Variants in AGTPBP1 observed in about 807,000 individuals in gnomAD.
AGTPBP1 encodes ATP/GTP binding carboxypeptidase 1, also known as cytosolic carboxypeptidase 1.
In AGTPBP1, 70 loss-of-function variants were observed where a neutral mutation model predicts 143.9. The observed-to-expected ratio is 0.49, with a 90% confidence interval of 0.40 to 0.59. AGTPBP1 has a LOEUF of 0.59. Among genes scored for constraint, AGTPBP1 ranks in the 20% least tolerant of loss-of-function variants. The probability of loss-of-function intolerance (pLI) is 0.00; values close to 1 mark genes in which losing one functional copy is unlikely to be tolerated. For missense variants in AGTPBP1, 1,229 were observed against 1,464.5 expected (o/e 0.84, Z 2.62); for synonymous variants, 463 against 500.2 (o/e 0.93, Z 0.99).
At chr9:85,681,745 C>CTTTTTTTTTTTTTTTTTTTTTTTTTTTT (rs1204253430) in intron 3 of AGTPBP1, among the ~76,000 whole-genome samples, 1 of 105,914 alleles carries the variant, frequency 9.4e-6, no homozygotes. Flanking sequence ...GCATTAATAT[C>CTTTTTTTTTTTTTTTTTTTTTTTTTTTT]TTTTTTTTTT....
At chr9:85,564,614 A>T (rs1432326665) in intron 25 of AGTPBP1, among the ~76,000 whole-genome samples, 1 of 152,252 alleles carries the variant, frequency 6.6e-6, no homozygotes, top group Non-Finnish European at 1.5e-5. Context: ...ACAATTATAT[A>T]TAGTATTCCA....
At chr9:85,569,403 T>G (rs1203212463) in intron 25 of AGTPBP1, among the ~76,000 whole-genome samples, 2 of 151,976 alleles carry the variant, frequency 1.3e-5, no homozygotes, top group Non-Finnish European at 2.9e-5. Flanking sequence ...TATATTACTA[T>G]AAAATAAGAT....
intron 13 of AGTPBP1, among the ~76,000 whole-genome samples, chr9:85,638,131 G>T (rs183869919): frequency 6.6e-6 from 1 of 151,684 alleles, no homozygotes; most frequent in African/African-American, 2.4e-5. Flanking sequence ...AAAAAAAAGT[G>T]TGTATATATA....
At chr9:85,733,401 G>A (rs765077325) in intron 1 of AGTPBP1, among the ~76,000 whole-genome samples, 5 of 152,092 alleles carry the variant, frequency 3.3e-5, no homozygotes, top group Admixed American at 6.6e-5. Context: ...AGAAATCACT[G>A]GGTTAACCAG....
intron 4 of AGTPBP1, among the ~76,000 whole-genome samples, chr9:85,680,821 A>G (rs1281200534): frequency 1.3e-5 from 2 of 152,208 alleles, no homozygotes; most frequent in African/African-American, 2.4e-5. Flanking sequence ...TAGAAATTCA[A>G]TTATCATCAA....
chr9:85,632,468 A>G (rs558623423), intron 14 of AGTPBP1, among the ~76,000 whole-genome samples, 194 bp downstream of exon 14: 139 of 152,366 alleles, frequency 9.1e-4, no homozygotes, highest in Admixed American at 4.8e-3. Flanking sequence ...TGAATAAGGA[A>G]TAAGCTCAAG....
At chr9:85,756,488 G>A in the AGTPBP1 span, among the ~76,000 whole-genome samples, 1 of 138,558 alleles carries the variant, frequency 7.2e-6, no homozygotes, top group African/African-American at 2.7e-5. Flanking sequence ...CACTCCTAGG[G>A]ATGGGTGGGA....
intron 17 of AGTPBP1, among the ~76,000 whole-genome samples, chr9:85,599,746 C>T (rs1047403379): frequency 9.2e-5 from 14 of 152,186 alleles, no homozygotes; most frequent in African/African-American, 3.4e-4. Context: ...TTCTTATAAA[C>T]GCTGACATGC....
chr9:85,648,897 G>A (rs7028695), intron 11 of AGTPBP1, among the ~76,000 whole-genome samples: 5,360 of 152,254 alleles, frequency 0.035, 337 homozygotes, highest in African/African-American at 0.12. Context: ...ATGCAGTTCA[G>A]CATCAGAGAG....
At chr9:85,696,272 G>A (rs188639846) in intron 2 of AGTPBP1, among the ~76,000 whole-genome samples, 20 of 152,260 alleles carry the variant, frequency 1.3e-4, no homozygotes, top group African/African-American at 4.3e-4. Context: ...GGAAAACACT[G>A]ATCTACCATA....
chr9:85,725,875 GTC>G (rs1031266862), intron 1 of AGTPBP1, among the ~76,000 whole-genome samples: 2 of 151,484 alleles, frequency 1.3e-5, no homozygotes, highest in African/African-American at 4.8e-5. Context: ...GCGAAATCCC[GTC>G]TCTACTAAAA....
intron 19 of AGTPBP1, among the ~76,000 whole-genome samples, chr9:85,591,763 A>G (rs762989272): frequency 2.0e-5 from 3 of 151,898 alleles, no homozygotes; most frequent in Non-Finnish European, 4.4e-5. Flanking sequence ...TCTACAGACT[A>G]TGTTTTTCTT....
At chr9:85,633,498 G>A (rs11141044) in intron 13 of AGTPBP1, 124 bp from the exon 14 acceptor site, 26,256 of 687,416 alleles carry the variant, frequency 0.038, 709 homozygotes, top group Admixed American at 0.11. Context: ...GGATAAAACC[G>A]GATATGTTTT....
intron 4 of AGTPBP1, 109 bp downstream of exon 4, chr9:85,681,159 G>T: frequency 1.1e-6 from 1 of 943,740 alleles, no homozygotes; most frequent in Non-Finnish European, 1.6e-6. Context: ...GTGTATATAT[G>T]TACGTGTGTA....
At chr9:85,582,452 G>A (rs955876706) in intron 23 of AGTPBP1, among the ~76,000 whole-genome samples, 2 of 152,100 alleles carry the variant, frequency 1.3e-5, no homozygotes, top group Admixed American at 6.6e-5. Flanking sequence ...CGAGGCAGGC[G>A]GATCATTTGA....
rs146500841 is a variant in AGTPBP1, at chr9:85,549,568, G to C, written c.3504-2282C>G. On this transcript the variant is annotated intron_variant, in intron 25 of 25. Transcript: ENST00000357081. ...TTAATCAATTTGAACAAAAGGAAAG[G>C]GTTTACAGAAAAAGCCTAGTCTTAT... 4.9e-3 allele frequency among the ~76,000 whole-genome samples: 744 copies of C among 152,218 alleles called. 2 individuals are homozygous for C. The highest frequency in any genetic ancestry group is 8.4e-3 in the Non-Finnish European group (573 of 68,020).
At chr9:85,727,040 C>CA (rs1201189081) in intron 1 of AGTPBP1, among the ~76,000 whole-genome samples, 10 of 152,192 alleles carry the variant, frequency 6.6e-5, no homozygotes, top group Admixed American at 4.6e-4. Context: ...CAAAGTGCTC[C>CA]AAAATTCGGC....
In AGTPBP1 at chr9:85,677,502, C is replaced by G; in HGVS notation, c.370G>C (p.Glu124Gln). The G allele has an allele frequency of 1.2e-6, 2 of 1,604,152 alleles. No individual in the cohort carries two copies. Among genetic ancestry groups the G allele is most frequent in the Non-Finnish European group, 8.5e-7 (1 of 1,175,304 alleles). Reference sequence around the variant, plus strand: ...ATTAAGTCCTCATGTGGGGGAGATTCTTTGCTGGCATTCATAAGTAACTGC... The same window carrying G: ...ATTAAGTCCTCATGTGGGGGAGATTGTTTGCTGGCATTCATAAGTAACTGC... ...LLQLLMNASK[E>Q]SPPHEDLMVQ... The change falls in exon 6 of 26, where the codon GAA becomes CAA. Residue 124 changes from glutamate to glutamine, a missense_variant. Physicochemically the swap from Glu to Gln is conservative, Grantham distance 29. This residue lies in a region of AGTPBP1 where 743 missense variants were observed against 812.2 expected (regional missense o/e 0.91). Transcript: ENST00000357081.
In AGTPBP1 at chr9:85,657,192, A is replaced by T. The variant is rs539616418; in HGVS notation, c.909+243T>A. Among the ~76,000 whole-genome samples the T allele has an allele frequency of 4.9e-3, 721 of 148,612 alleles. 2 individuals are homozygous for T. Among genetic ancestry groups the T allele is most frequent in the Admixed American group, 6.0e-3 (89 of 14,862 alleles). On this transcript the variant is annotated intron_variant, in intron 10 of 25. Transcript: ENST00000357081. The stretch of plus-strand genomic sequence containing the variant: ...ACTTAAAAGTATAATAATAAAAAAA[A>T]AATAATACAAAAAAAAAAAAAGAAA...
Sources: allele counts gnomAD v4.1 joint callset (sites outside exome capture counted in the v4.1 genomes callset), GRCh38; gene constraint gnomAD v4.1.1; regional missense constraint gnomAD v4.1.1; transcripts MANE v1.5; gene names NCBI Gene and HGNC (gene_info 2026-07-23, HGNC 2026-07-21).